The following AOX1 variants were observed in gnomAD, a reference collection of about 807,000 sequenced individuals.
AOX1 encodes the protein aldehyde oxidase 1.
A neutral mutation model predicts 169.5 loss-of-function variants in AOX1; 153 were observed. The ratio of observed to expected loss-of-function variants is 0.90; its 90% CI spans 0.79 to 1.03. The LOEUF (loss-of-function observed/expected upper bound fraction) is 1.03. Ranked by LOEUF, AOX1 falls within the 50% of genes least tolerant of loss-of-function variation. The pLI, the probability that AOX1 is intolerant of heterozygous loss-of-function variation, is 0.00. For synonymous variants in AOX1, 562 were observed against 581.9 expected (o/e 0.97, Z 0.49); for missense variants, 1,656 against 1,663.9 (o/e 1.00, Z 0.08).
chr2:200,663,152 A>G (rs1309309993), intron 31 of AOX1, among the ~76,000 whole-genome samples, 183 bp downstream of exon 31: 3 of 152,210 alleles, frequency 2.0e-5, no homozygotes, highest in African/African-American at 7.2e-5. Context: ...GGTTGCTGCC[A>G]TGGAAAACAA....
chr2:200,669,701 G>C lies in AOX1; in HGVS notation c.3925G>C (p.Glu1309Gln). The change falls in exon 34 of 35, where the codon GAG becomes CAG. Residue 1309 changes from glutamate to glutamine, a missense_variant. Transcript: ENST00000374700. The part of the protein sequence containing the change: ...PLTLNSPLTP[E>Q]KIRMACEDKF... ...GACCCTTAATAGTCCACTGACCCCG[G>C]AGAAGATTAGGATGGCCTGTGAAGA... 2 of 1,613,970 alleles carry C rather than the reference G, an allele frequency of 1.2e-6. No individual in the cohort carries two copies. Among genetic ancestry groups the C allele is most frequent in the Non-Finnish European group, 1.7e-6 (2 of 1,179,974 alleles).
chr2:200,596,164 G>C (rs1183734241), intron 3 of AOX1, among the ~76,000 whole-genome samples: 1 of 152,210 alleles, frequency 6.6e-6, no homozygotes, highest in African/African-American at 2.4e-5. Context: ...AAGGATCTGA[G>C]CACTGGTGAG....
chr2:200,605,330 G>A (rs1481818640), intron 9 of AOX1, among the ~76,000 whole-genome samples: 1 of 152,140 alleles, frequency 6.6e-6, no homozygotes, highest in East Asian at 1.9e-4. Flanking sequence ...CAAGTTTCAA[G>A]GTTGACAATT....
At position 200,605,015 on chromosome 2, in the gene AOX1, T is replaced by C. The variant is rs961665344; in HGVS notation, c.814+175T>C. Among the ~76,000 whole-genome samples the C allele has an allele frequency of 2.6e-5, 4 of 152,220 alleles. No individual in the cohort carries two copies. In the East Asian group the frequency reaches 5.8e-4, roughly 22 times the overall value. On this transcript the variant is annotated intron_variant, in intron 9 of 34. Coordinates refer to ENST00000374700, the MANE Select transcript of AOX1 (RefSeq NM_001159.4). ...AGCATTGCTCAAGAGACTTTCTAAC[T>C]GTTATTAAGTAGATTCCTCTTGCCT...
chr2:200,611,084 A>C (rs982347643), intron 12 of AOX1, among the ~76,000 whole-genome samples: 1 of 152,128 alleles, frequency 6.6e-6, no homozygotes, highest in African/African-American at 2.4e-5. Flanking sequence ...CAAACTCCTA[A>C]CCTCAAATGA....
chr2:200,589,096 G>A (rs1221518869), intron 1 of AOX1, among the ~76,000 whole-genome samples: 3 of 151,730 alleles, frequency 2.0e-5, no homozygotes, highest in African/African-American at 7.3e-5. Context: ...TAGAAGTGAA[G>A]CCACTTAGGA....
chr2:200,586,095 G>C lies in AOX1; in HGVS notation c.-14G>C. 1.3e-6 allele frequency: 2 copies of C among 1,554,508 alleles called. No homozygotes were observed. Among genetic ancestry groups the C allele is most frequent in the African/African-American group, 1.4e-5 (1 of 73,434 alleles). On this transcript the variant is annotated 5_prime_UTR_variant, in exon 1 of 35. Coordinates refer to ENST00000374700, the MANE Select transcript of AOX1 (RefSeq NM_001159.4). The stretch of plus-strand genomic sequence containing the variant: ...CCTCCCGCTCCGGGCCCTCGAACCA[G>C]CGCGGACACCACAATGGACCGGGCG...
At position 200,657,184 on chromosome 2, in the gene AOX1, A is replaced by ATTTT. The variant is rs1284180212; in HGVS notation, c.3171+248_3171+249insTTTT. Reference sequence around the variant, plus strand: ...ACCAAAAATATATATATATATATATATATATATTTTTTTTTTTTTTTAATT... The same window carrying ATTTT: ...ACCAAAAATATATATATATATATATATTTTTATATATTTTTTTTTTTTTTTAATT... On this transcript the variant is annotated intron_variant, in intron 27 of 34. Transcript: ENST00000374700. Among the ~76,000 whole-genome samples, 8 of 64,760 alleles carry ATTTT rather than the reference A, an allele frequency of 1.2e-4. No homozygotes were observed. The East Asian group carries it at 2.3e-3, about 19-fold the overall frequency. The allele number at this position is 64,760 out of a possible 152,430, so 42.5% of individuals were successfully genotyped here. A position where few individuals can be genotyped will look rare whatever the true frequency, so the allele number is the denominator to read the frequency against.
rs370920216 is a variant in AOX1 at position 200,620,198 on chromosome 2, A to AGT, written c.1705-452_1705-451insGT. ...TATTGTCTTGGTGTTATTAATAGTG[A>AGT]CTTTTTTTTTTTTTTTTTTTGATGG... On this transcript the variant is annotated intron_variant, in intron 16 of 34. Coordinates refer to ENST00000374700, the MANE Select transcript of AOX1 (RefSeq NM_001159.4). Among the ~76,000 whole-genome samples the AGT allele has an allele frequency of 4.4e-3, 536 of 120,906 alleles. 16 individuals carry two copies. The highest frequency in any genetic ancestry group is 9.7e-3 in the African/African-American group (320 of 33,022). The allele number at this position is 120,906 out of a possible 152,430, so 79.3% of individuals were successfully genotyped here.
intron 23 of AOX1, among the ~76,000 whole-genome samples, chr2:200,638,777 A>C (rs527868011): frequency 6.6e-6 from 1 of 152,354 alleles, no homozygotes; most frequent in South Asian, 2.1e-4. Context: ...GTAGTAGAAA[A>C]TAGTGATTCT....
chr2:200,589,630 C>G (rs1007142498), intron 1 of AOX1, among the ~76,000 whole-genome samples: 11 of 152,158 alleles, frequency 7.2e-5, no homozygotes, highest in Non-Finnish European at 1.3e-4. Flanking sequence ...TGGGTGTACA[C>G]AGTAAACAGA....
chr2:200,666,909 G>A (rs2035933585), intron 32 of AOX1, among the ~76,000 whole-genome samples, 157 bp downstream of exon 32: 1 of 152,160 alleles, frequency 6.6e-6, no homozygotes, highest in South Asian at 2.1e-4. Flanking sequence ...ATGTTTTACT[G>A]TTTAAAAGGG....
rs1012393039 is a variant in AOX1 at position 200,632,119 on chromosome 2, A to C, written c.2222-2672A>C. Reference sequence around the variant, plus strand: ...TTTTTAAAAGTTCTGCCTTCCATTAACATGATCGTCAGTAATAATTGTATT... The same window carrying C: ...TTTTTAAAAGTTCTGCCTTCCATTACCATGATCGTCAGTAATAATTGTATT... On this transcript the variant is annotated intron_variant, in intron 20 of 34. Coordinates refer to ENST00000374700, the MANE Select transcript of AOX1 (RefSeq NM_001159.4). 2.6e-4 allele frequency among the ~76,000 whole-genome samples: 39 copies of C among 152,054 alleles called. 1 individual carries two copies. The highest frequency in any genetic ancestry group is 4.4e-5 in the Non-Finnish European group (3 of 67,986).
chr2:200,680,262 A>G (rs978124469), downstream of AOX1, among the ~76,000 whole-genome samples: 14 of 152,216 alleles, frequency 9.2e-5, no homozygotes, highest in African/African-American at 3.1e-4. Flanking sequence ...AGATGTTGAT[A>G]CAGGAGGCAG....
intron 24 of AOX1, 141 bp downstream of exon 24, chr2:200,641,325 T>C: frequency 1.7e-6 from 1 of 574,624 alleles, no homozygotes; most frequent in Admixed American, 2.7e-5. Flanking sequence ...CATGTGTTAC[T>C]TCCTGGTGCC....
At chr2:200,681,230 A>G (rs2036150117), downstream of AOX1, 1 of 152,376 alleles carries the variant, frequency 6.6e-6, no homozygotes, top group Admixed American at 6.5e-5. Flanking sequence ...GTGAACAATC[A>G]TGGCACTTCC....
intron 24 of AOX1, 122 bp downstream of exon 24, chr2:200,641,306 A>C (rs2105747165): frequency 1.5e-6 from 1 of 650,368 alleles, no homozygotes; most frequent in South Asian, 2.1e-5. Context: ...CCATCCTTGC[A>C]GGGATAGCCA....
At chr2:200,594,532 G>C (rs1018898412) in intron 2 of AOX1, among the ~76,000 whole-genome samples, 4 of 152,168 alleles carry the variant, frequency 2.6e-5, no homozygotes, top group African/African-American at 9.7e-5. Flanking sequence ...CCCACCATCA[G>C]AGATGACTAA....
chr2:200,666,549 C>T (rs1017666522), intron 31 of AOX1, 138 bp from the exon 32 acceptor site: 2 of 467,340 alleles, frequency 4.3e-6, no homozygotes, highest in Admixed American at 4.0e-5. Flanking sequence ...ATAATAAAAT[C>T]TTTGTTGCTT....
Sources: allele counts gnomAD v4.1 joint callset (sites outside exome capture counted in the v4.1 genomes callset), GRCh38; gene constraint gnomAD v4.1.1; transcripts MANE v1.5; gene names NCBI Gene and HGNC (gene_info 2026-07-23, HGNC 2026-07-21).